Variants in TMTC1 observed in about 807,000 individuals in gnomAD.
TMTC1 encodes the protein protein O-mannosyl-transferase TMTC1.
TMTC1 carries 73 observed loss-of-function variants against 104.8 expected under a neutral mutation model. That is an observed-to-expected ratio of 0.70 (90% CI 0.58 to 0.85). TMTC1 has a LOEUF of 0.85. Ranked by LOEUF, TMTC1 falls within the 40% of genes least tolerant of loss-of-function variation. The pLI, the probability that TMTC1 is intolerant of heterozygous loss-of-function variation, is 0.00. For missense variants in TMTC1, 1,035 were observed against 1,096.1 expected (o/e 0.94, Z 0.79); for synonymous variants, 434 against 428.7 (o/e 1.01, Z -0.15).
intron 5 of TMTC1, among the ~76,000 whole-genome samples, chr12:29,728,998 C>CAAA (rs34267484): frequency 2.9e-5 from 2 of 68,746 alleles, no homozygotes; most frequent in Non-Finnish European, 5.7e-5. Flanking sequence ...ACTCCATCTC[C>CAAA]AAAAAAAAAA....
At chr12:29,623,796 G>C (rs1242436967) in intron 6 of TMTC1, among the ~76,000 whole-genome samples, 1 of 150,286 alleles carries the variant, frequency 6.7e-6, no homozygotes, top group Non-Finnish European at 1.5e-5. Context: ...CTGGACGACA[G>C]AGCAAGACTC....
intron 5 of TMTC1, among the ~76,000 whole-genome samples, chr12:29,715,401 C>T (rs1024897098): frequency 6.6e-5 from 10 of 152,264 alleles, no homozygotes; most frequent in Admixed American, 4.6e-4. Flanking sequence ...CTCAGATTCA[C>T]TCCAGCAATA....
intron 5 of TMTC1, among the ~76,000 whole-genome samples, chr12:29,733,287 G>A (rs1591988405): frequency 1.3e-5 from 2 of 152,134 alleles, no homozygotes; most frequent in East Asian, 3.9e-4. Flanking sequence ...GCGGAAGTAG[G>A]CAGTCTGGCT....
chr12:29,723,269 A>G (rs980459378), intron 5 of TMTC1, among the ~76,000 whole-genome samples: 2 of 152,170 alleles, frequency 1.3e-5, no homozygotes, highest in Non-Finnish European at 2.9e-5. Context: ...TAATTCTAAT[A>G]AAAACTTCTA....
In TMTC1 at chr12:29,597,317, G is replaced by A. The variant is rs1424280113; in HGVS notation, c.1250+6861C>T. On this transcript the variant is annotated intron_variant, in intron 7 of 17. Transcript: ENST00000539277. ...CTTGAACTCTTGAGCTCAAGCAATT[G>A]TCCTGCCTCGGCCTCCCAAAATGCT... 4.5e-5 allele frequency among the ~76,000 whole-genome samples: 6 copies of A among 133,606 alleles called. No homozygotes were observed. In the East Asian group the frequency reaches 6.7e-4, roughly 15 times the overall value. The allele number at this position is 133,606 out of a possible 152,430, so 87.7% of individuals were successfully genotyped here.
intron 8 of TMTC1, among the ~76,000 whole-genome samples, chr12:29,574,455 G>A (rs1945766560): frequency 6.6e-6 from 1 of 152,142 alleles, no homozygotes; most frequent in Non-Finnish European, 1.5e-5. Flanking sequence ...AATGGTCACT[G>A]TACTGGTCAT....
At position 29,685,367 on chromosome 12, in the gene TMTC1, T is replaced by TA. The variant is rs201264038; in HGVS notation, c.939-52032dup. 3.8e-3 allele frequency among the ~76,000 whole-genome samples: 524 copies of TA among 136,642 alleles called. 2 individuals are homozygous for TA. The highest frequency in any genetic ancestry group is 9.9e-3 in the African/African-American group (364 of 36,828). 89.6% of individuals were successfully genotyped at this position (136,642 alleles called of 152,430 possible). A position where few individuals can be genotyped will look rare whatever the true frequency, so the allele number is the denominator to read the frequency against. On this transcript the variant is annotated intron_variant, in intron 5 of 17. Coordinates refer to ENST00000539277, the MANE Select transcript of TMTC1 (RefSeq NM_001193451.2). ...TTTGTTACCAAAATTATTTCCAAAA[T>TA]AAAAAAAAAAAAACTTTCCAGGAAA...
chr12:29,652,724 A>G (rs1033053374), intron 5 of TMTC1, among the ~76,000 whole-genome samples: 1 of 152,210 alleles, frequency 6.6e-6, no homozygotes. Flanking sequence ...AATGGGAAGG[A>G]AAAATTGGGG....
chr12:29,719,575 G>A (rs1942178262), intron 5 of TMTC1, among the ~76,000 whole-genome samples: 1 of 152,176 alleles, frequency 6.6e-6, no homozygotes, highest in Non-Finnish European at 1.5e-5. Context: ...CACAGCGAGG[G>A]TGTAACCCTT....
intron 1 of TMTC1, among the ~76,000 whole-genome samples, chr12:29,771,152 G>T (rs542351079): frequency 6.6e-6 from 1 of 152,242 alleles, no homozygotes; most frequent in African/African-American, 2.4e-5. Context: ...ACTATACAGT[G>T]TATACTTATC....
At chr12:29,652,488 G>A (rs1245475059) in intron 5 of TMTC1, among the ~76,000 whole-genome samples, 3 of 152,114 alleles carry the variant, frequency 2.0e-5, no homozygotes, top group Non-Finnish European at 4.4e-5. Flanking sequence ...GCAAAACAAG[G>A]ATATATCCAG....
At chr12:29,724,102 C>T (rs1029951802) in intron 5 of TMTC1, among the ~76,000 whole-genome samples, 2 of 152,088 alleles carry the variant, frequency 1.3e-5, no homozygotes, top group Non-Finnish European at 2.9e-5. Context: ...CTTGAAAAGG[C>T]GCTTCGCAGG....
intron 8 of TMTC1, among the ~76,000 whole-genome samples, chr12:29,578,460 A>G (rs1351278614): frequency 6.6e-6 from 1 of 152,142 alleles, no homozygotes; most frequent in African/African-American, 2.4e-5. Flanking sequence ...ACTTCCAGTT[A>G]TTATCATGGA....
At chr12:29,744,565 T>C (rs1942904251) in intron 5 of TMTC1, among the ~76,000 whole-genome samples, 1 of 152,238 alleles carries the variant, frequency 6.6e-6, no homozygotes, top group South Asian at 2.1e-4. Context: ...CAGGAACCAA[T>C]GTGGAGTTCC....
chr12:29,531,856 C>T (rs1944513278), intron 11 of TMTC1, among the ~76,000 whole-genome samples: 1 of 152,056 alleles, frequency 6.6e-6, no homozygotes, highest in Non-Finnish European at 1.5e-5. Context: ...TCTTCCTTTC[C>T]ACTCCATTCC....
Position 29,506,740 on chromosome 12 carries a change from G to C in TMTC1, c.*106C>G, listed in dbSNP as rs1943701813. ...ATGTGTCACCCTGAACTCGGAATGAGAGAAAATCTCATTAGTTGTGCCCCT... is the reference window on the plus strand; with the variant it reads ...ATGTGTCACCCTGAACTCGGAATGACAGAAAATCTCATTAGTTGTGCCCCT... On this transcript the variant is annotated 3_prime_UTR_variant, in exon 18 of 18. Coordinates refer to ENST00000539277, the MANE Select transcript of TMTC1 (RefSeq NM_001193451.2). 1.4e-6 allele frequency: 2 copies of C among 1,424,604 alleles called. No homozygotes were observed. The highest frequency in any genetic ancestry group is 2.0e-6 in the Non-Finnish European group (2 of 1,023,174). 88.2% of individuals were successfully genotyped at this position (1,424,604 alleles called of 1,614,324 possible).
chr12:29,706,641 A>G (rs1941751851), intron 5 of TMTC1, among the ~76,000 whole-genome samples: 1 of 152,212 alleles, frequency 6.6e-6, no homozygotes, highest in Non-Finnish European at 1.5e-5. Flanking sequence ...ATCTGGAAAC[A>G]CAGACTCCAG....
At chr12:29,628,437 C>G (rs1029670555) in intron 6 of TMTC1, among the ~76,000 whole-genome samples, 6 of 152,180 alleles carry the variant, frequency 3.9e-5, no homozygotes, top group Admixed American at 1.3e-4. Flanking sequence ...ATGGACCCCT[C>G]CTCTTGCTCG....
intron 11 of TMTC1, among the ~76,000 whole-genome samples, chr12:29,524,794 C>T (rs1944288110): frequency 6.6e-6 from 1 of 151,884 alleles, no homozygotes; most frequent in Non-Finnish European, 1.5e-5. Flanking sequence ...ATCTTTTCTA[C>T]CCAGGCATAA....
Sources: allele counts gnomAD v4.1 joint callset (sites outside exome capture counted in the v4.1 genomes callset), GRCh38; gene constraint gnomAD v4.1.1; transcripts MANE v1.5; gene names NCBI Gene and HGNC (gene_info 2026-07-23, HGNC 2026-07-21).